NRXN1: variants seen among roughly 807,000 people sequenced by gnomAD.
The protein encoded by NRXN1 is neurexin 1, also known as neurexin-1.
NRXN1 carries 39 observed loss-of-function variants against 150.9 expected under a neutral mutation model. The observed-to-expected ratio is 0.26, with a 90% confidence interval of 0.20 to 0.34. The LOEUF (loss-of-function observed/expected upper bound fraction) is 0.34. Ranked by LOEUF, NRXN1 falls within the 10% of genes least tolerant of loss-of-function variation. The probability of loss-of-function intolerance (pLI) is 1.00; values close to 1 mark genes in which losing one functional copy is unlikely to be tolerated. For missense variants in NRXN1, 1,815 were observed against 1,949.9 expected (o/e 0.93, Z 1.30); for synonymous variants, 924 against 757.0 (o/e 1.22, Z -3.62).
At chr2:50,826,803 A>C (rs1670507489) in intron 5 of NRXN1, among the ~76,000 whole-genome samples, 1 of 152,206 alleles carries the variant, frequency 6.6e-6, no homozygotes, top group Non-Finnish European at 1.5e-5. Context: ...GGAAAGGTCA[A>C]GCAGAGGGTT....
chr2:49,976,014 A>T lies in NRXN1; in HGVS notation c.4129-32223T>A, dbSNP rs1678901282. On this transcript the variant is annotated intron_variant, in intron 21 of 22. Transcript: ENST00000401669. ...ACACACAAATGATTGCATATGCGGAAGAATTTTTTTTTTTTTTTTTTTTTT... is the reference window on the plus strand; with the variant it reads ...ACACACAAATGATTGCATATGCGGATGAATTTTTTTTTTTTTTTTTTTTTT... Among the ~76,000 whole-genome samples the T allele has an allele frequency of 2.3e-5, 3 of 127,772 alleles. No individual in the cohort carries two copies. In the South Asian group the frequency reaches 7.7e-4, roughly 33 times the overall value. 83.8% of individuals were successfully genotyped at this position (127,772 alleles called of 152,430 possible). A position where few individuals can be genotyped will look rare whatever the true frequency, so the allele number is the denominator to read the frequency against.
At chr2:50,875,419 C>T (rs1678423422) in intron 5 of NRXN1, among the ~76,000 whole-genome samples, 2 of 151,612 alleles carry the variant, frequency 1.3e-5, no homozygotes, top group South Asian at 2.1e-4. Context: ...AGATGAGTAA[C>T]ATATATTAGT....
At chr2:50,487,509 G>C (rs1558816053) in intron 15 of NRXN1, among the ~76,000 whole-genome samples, 1 of 152,186 alleles carries the variant, frequency 6.6e-6, no homozygotes, top group Non-Finnish European at 1.5e-5. Context: ...ACAGTGCTAT[G>C]TCATTAAAAA....
chr2:50,868,483 T>G (rs752892322), intron 5 of NRXN1, among the ~76,000 whole-genome samples: 2 of 151,472 alleles, frequency 1.3e-5, no homozygotes, highest in Non-Finnish European at 2.9e-5. Flanking sequence ...ATGGTTATAC[T>G]AAAAGCCCAG....
At chr2:50,383,252 A>C (rs1520450) in intron 17 of NRXN1, among the ~76,000 whole-genome samples, 1 of 151,784 alleles carries the variant, frequency 6.6e-6, no homozygotes, top group Non-Finnish European at 1.5e-5. Context: ...TATTGAATTG[A>C]CCTAGGAAAT....
intron 17 of NRXN1, among the ~76,000 whole-genome samples, chr2:50,309,343 G>A (rs576756545): frequency 2.4e-4 from 36 of 152,258 alleles, no homozygotes; most frequent in African/African-American, 7.7e-4. Context: ...AAAATCAGGA[G>A]TTCTGGCTTC....
In NRXN1 at chr2:50,396,910, G is replaced by T. The variant is rs545850373; in HGVS notation, c.3364+68532C>A. Among the ~76,000 whole-genome samples, 9 of 152,112 alleles carry T rather than the reference G, an allele frequency of 5.9e-5. No homozygotes were observed. The South Asian group carries it at 1.9e-3, about 31-fold the overall frequency. On this transcript the variant is annotated intron_variant, in intron 17 of 22. Transcript: ENST00000401669. ...TTGTCTCCTTAAGATTTGGACTTAA[G>T]GTCAAAGTTGTTGAAGGTTGATCGG...
intron 17 of NRXN1, among the ~76,000 whole-genome samples, chr2:50,434,121 C>T (rs374266051): frequency 7.6e-6 from 1 of 132,396 alleles, no homozygotes; most frequent in Non-Finnish European, 1.5e-5. Flanking sequence ...CAATGGCTGG[C>T]GCATCTCCGC....
At chr2:50,289,270 T>C (rs1263498922) in intron 17 of NRXN1, among the ~76,000 whole-genome samples, 1 of 152,148 alleles carries the variant, frequency 6.6e-6, no homozygotes, top group Admixed American at 6.6e-5. Flanking sequence ...TTTTACACCA[T>C]AGATATTACT....
intron 15 of NRXN1, among the ~76,000 whole-genome samples, chr2:50,487,295 T>C (rs1202955036): frequency 6.6e-6 from 1 of 152,336 alleles, no homozygotes; most frequent in East Asian, 1.9e-4. Context: ...AAGACTGTAT[T>C]ATTAATTATA....
chr2:50,270,321 A>G (rs1264239194), intron 17 of NRXN1, among the ~76,000 whole-genome samples: 1 of 152,176 alleles, frequency 6.6e-6, no homozygotes, highest in South Asian at 2.1e-4. Context: ...TTGTATACAT[A>G]TGAAACTTTA....
At chr2:50,109,845 T>C (rs1469238141) in intron 18 of NRXN1, among the ~76,000 whole-genome samples, 2 of 152,158 alleles carry the variant, frequency 1.3e-5, no homozygotes, top group South Asian at 2.1e-4. Context: ...TTTTTATTTA[T>C]TGATGTCACA....
intron 5 of NRXN1, among the ~76,000 whole-genome samples, chr2:50,903,094 C>T: frequency 6.6e-6 from 1 of 152,006 alleles, no homozygotes; most frequent in East Asian, 1.9e-4. Flanking sequence ...CAACCAGCAC[C>T]AATATATTAT....
chr2:50,268,533 A>G (rs764048351), intron 17 of NRXN1, among the ~76,000 whole-genome samples: 13 of 152,238 alleles, frequency 8.5e-5, no homozygotes, highest in South Asian at 4.1e-4. Context: ...GCTATGGAAT[A>G]TAATTGAGCT....
chr2:50,392,822 A>T (rs1000018135), intron 17 of NRXN1, among the ~76,000 whole-genome samples: 1 of 152,110 alleles, frequency 6.6e-6, no homozygotes, highest in African/African-American at 2.4e-5. Context: ...AAGGTAGTGT[A>T]TTAAAAGCAA....
chr2:50,921,929 G>A, intron 4 of NRXN1, 49 bp from the exon 5 acceptor site: 1 of 1,149,626 alleles, frequency 8.7e-7, no homozygotes, highest in Non-Finnish European at 1.2e-6. Flanking sequence ...TCCAGACAAA[G>A]AGGATAAAGA....
intron 2 of NRXN1, among the ~76,000 whole-genome samples, chr2:51,013,262 G>A (rs1236993785): frequency 6.6e-6 from 1 of 152,022 alleles, no homozygotes; most frequent in Non-Finnish European, 1.5e-5. Context: ...AGGGCAGCTG[G>A]CTCAGGGCAA....
rs76891920 is a variant in NRXN1 at position 50,030,132 on chromosome 2, G to A, written c.4128+23139C>T. 7.0e-3 allele frequency among the ~76,000 whole-genome samples: 1,065 copies of A among 152,274 alleles called. 9 individuals are homozygous for A. Among genetic ancestry groups the A allele is most frequent in the African/African-American group, 0.024 (998 of 41,572 alleles). ...GTTGGAAGAATCAAAGAACATTCAAGATAGACTTAATATTTATCTCAGCTT... is the reference window on the plus strand; with the variant it reads ...GTTGGAAGAATCAAAGAACATTCAAAATAGACTTAATATTTATCTCAGCTT... On this transcript the variant is annotated intron_variant, in intron 21 of 22. Coordinates refer to ENST00000401669, the MANE Select transcript of NRXN1 (RefSeq NM_001330078.2).
intron 21 of NRXN1, among the ~76,000 whole-genome samples, chr2:50,049,715 T>TCCTC (rs2152617322): frequency 1.3e-5 from 2 of 152,286 alleles, no homozygotes; most frequent in South Asian, 4.1e-4. Context: ...GGAAGTGTTG[T>TCCTC]CCTCTTCATG....
Sources: allele counts gnomAD v4.1 joint callset (sites outside exome capture counted in the v4.1 genomes callset), GRCh38; gene constraint gnomAD v4.1.1; transcripts MANE v1.5; gene names NCBI Gene and HGNC (gene_info 2026-07-23, HGNC 2026-07-21).